SEC22B: variants seen among roughly 807,000 people sequenced by gnomAD.
The protein encoded by SEC22B is SEC22 homolog B, vesicle trafficking protein, also known as vesicle-trafficking protein SEC22b.
Under a neutral mutation model 31.4 loss-of-function variants are expected in SEC22B, and 10 were observed. The ratio of observed to expected loss-of-function variants is 0.32; its 90% CI spans 0.20 to 0.54. The LOEUF is 0.54. Among genes scored for constraint, SEC22B ranks in the 20% least tolerant of loss-of-function variants. The pLI is 0.94. For synonymous variants in SEC22B, 60 were observed against 95.9 expected, an observed-to-expected ratio of 0.63 and a Z score of 2.19; for missense variants, 130 against 263.4, an observed-to-expected ratio of 0.49 and a Z score of 3.50.
intron 1 of SEC22B, among the ~76,000 whole-genome samples, chr1:120,174,302 A>G (rs1327935972): frequency 6.6e-6 from 1 of 152,308 alleles, no homozygotes; most frequent in Non-Finnish European, 1.5e-5. Flanking sequence ...TTTGGTATGT[A>G]GTAGGCGCTT....
At chr1:120,168,508 T>C (rs1481974047) in intron 2 of SEC22B, among the ~76,000 whole-genome samples, 35 of 152,118 alleles carry the variant, frequency 2.3e-4, no homozygotes, top group African/African-American at 8.4e-4. Flanking sequence ...AGAGAAGTTA[T>C]GTGAGCTGTT....
At chr1:120,166,450 A>G (rs1405994525) in intron 2 of SEC22B, among the ~76,000 whole-genome samples, 3 of 150,978 alleles carry the variant, frequency 2.0e-5, no homozygotes, top group Non-Finnish European at 4.4e-5. Flanking sequence ...CTATTCAGCC[A>G]TAAAAAAGAA....
intron 2 of SEC22B, among the ~76,000 whole-genome samples, chr1:120,166,395 T>C (rs1212756013): frequency 1.2e-5 from 1 of 82,668 alleles, no homozygotes; most frequent in African/African-American, 3.7e-5. Context: ...AAAGTGTTTT[T>C]TACACACACA....
intron 4 of SEC22B, chr1:120,159,131 TA>T (rs1657674887): frequency 6.6e-6 from 1 of 151,996 alleles, no homozygotes; most frequent in South Asian, 2.1e-4. Context: ...CCTACACTTT[TA>T]AAATTATATA....
chr1:120,161,045 G>C (rs1657708219), intron 3 of SEC22B, among the ~76,000 whole-genome samples: 1 of 152,186 alleles, frequency 6.6e-6, no homozygotes. Flanking sequence ...CCATTCAGGA[G>C]AAATGTCCTT....
intron 1 of SEC22B, among the ~76,000 whole-genome samples, chr1:120,173,165 C>T (rs1404148726): frequency 2.0e-4 from 16 of 79,028 alleles, no homozygotes; most frequent in East Asian, 4.2e-4. Flanking sequence ...TGATTGGGAG[C>T]GTGAGACAAT....
intron 3 of SEC22B, among the ~76,000 whole-genome samples, chr1:120,160,733 T>C (rs1657701356): frequency 6.6e-6 from 1 of 151,770 alleles, no homozygotes; most frequent in Non-Finnish European, 1.5e-5. Context: ...ACTAAAAATA[T>C]AAAAAGTTAG....
At chr1:120,175,733 A>G (rs1442997085) in intron 1 of SEC22B, among the ~76,000 whole-genome samples, 12 of 152,296 alleles carry the variant, frequency 7.9e-5, no homozygotes, top group African/African-American at 2.6e-4. Context: ...TTATTGAAAG[A>G]CAAAGAAAAA....
chr1:120,161,712 A>G (rs1570866544), intron 3 of SEC22B, among the ~76,000 whole-genome samples: 1 of 151,894 alleles, frequency 6.6e-6, no homozygotes, highest in Non-Finnish European at 1.5e-5. Flanking sequence ...GTAAATAAAT[A>G]AATAAATAAA....
At chr1:120,166,733 G>A (rs1657818169) in intron 2 of SEC22B, among the ~76,000 whole-genome samples, 1 of 149,730 alleles carries the variant, frequency 6.7e-6, no homozygotes, top group African/African-American at 2.5e-5. Context: ...GAACTGTAGG[G>A]TGAATATGGC....
intron 4 of SEC22B, among the ~76,000 whole-genome samples, chr1:120,159,666 A>G (rs1489183994): frequency 3.3e-5 from 5 of 152,068 alleles, no homozygotes; most frequent in Admixed American, 6.6e-5. Flanking sequence ...AGGAGTTTAA[A>G]GTACAGAAGA....
intron 1 of SEC22B, among the ~76,000 whole-genome samples, chr1:120,175,358 T>C (rs1288173549): frequency 8.9e-6 from 1 of 111,856 alleles, no homozygotes; most frequent in African/African-American, 3.7e-5. Flanking sequence ...GAATGAAAAG[T>C]CCAACAGAAG....
chr1:120,171,909 G>T (rs1188079172), intron 1 of SEC22B, among the ~76,000 whole-genome samples: 2 of 151,566 alleles, frequency 1.3e-5, no homozygotes, highest in African/African-American at 2.4e-5. Context: ...TGCATCCAGT[G>T]TATCGATTAT....
chr1:120,163,909 G>A (rs1391486141), intron 2 of SEC22B, among the ~76,000 whole-genome samples: 2 of 142,648 alleles, frequency 1.4e-5, no homozygotes, highest in South Asian at 2.2e-4. Flanking sequence ...GGAGTATTTA[G>A]ACATATTTAT....
chr1:120,168,541 G>C (rs1657847559), intron 2 of SEC22B, among the ~76,000 whole-genome samples: 1 of 151,616 alleles, frequency 6.6e-6, no homozygotes, highest in South Asian at 2.1e-4. Flanking sequence ...GTTAGGAAAT[G>C]TTTGAGCAAG....
intron 2 of SEC22B, among the ~76,000 whole-genome samples, chr1:120,168,346 A>C (rs1274561180): frequency 6.6e-6 from 1 of 151,644 alleles, no homozygotes; most frequent in Admixed American, 6.6e-5. Flanking sequence ...TATCTTTTAT[A>C]ATTTTCTTTT....
At chr1:120,163,023 T>C (rs1657743989) in intron 3 of SEC22B, among the ~76,000 whole-genome samples, 187 bp downstream of exon 3, 2 of 151,920 alleles carry the variant, frequency 1.3e-5, no homozygotes, top group African/African-American at 4.8e-5. Flanking sequence ...CTAGAGAAAA[T>C]TACTTTTCAG....
intron 1 of SEC22B, among the ~76,000 whole-genome samples, chr1:120,173,064 A>G (rs1266470654): frequency 1.7e-3 from 251 of 146,630 alleles, no homozygotes; most frequent in African/African-American, 6.2e-3. Flanking sequence ...ATCAATACCC[A>G]CTGAACTCAG....
In SEC22B at chr1:120,176,480, C is replaced by T; in HGVS notation, c.-99G>A. ...ACAGTTATACCCTATGTCTCAGTTA[C>T]CGGAGATCCAGCTGCTTGCGTCTCC... On this transcript the variant is annotated 5_prime_UTR_variant, in exon 1 of 5. Transcript: ENST00000578049. 1 of 1,079,362 alleles carries T rather than the reference C, an allele frequency of 9.3e-7. No individual in the cohort carries two copies. Among genetic ancestry groups the T allele is most frequent in the Non-Finnish European group, 1.4e-6 (1 of 729,900 alleles). The allele number at this position is 1,079,362 out of a possible 1,614,324, so 66.9% of individuals were successfully genotyped here.
Sources: gnomAD v4.1 joint callset for allele counts (sites outside exome capture counted in the v4.1 genomes callset) on GRCh38, gnomAD v4.1.1 for gene constraint, MANE v1.5 for transcripts, NCBI Gene and HGNC (gene_info 2026-07-23, HGNC 2026-07-21) for gene names.